The following NOL6 variants were observed in gnomAD, a reference collection of about 807,000 sequenced individuals.
NOL6 encodes the protein nucleolar protein 6, also known as nucleolar RNA-associated protein.
Under a neutral mutation model 131.7 loss-of-function variants are expected in NOL6, and 33 were observed. The ratio of observed to expected loss-of-function variants is 0.25; its 90% CI spans 0.19 to 0.33. NOL6 has a LOEUF of 0.33. NOL6 is among the 10% of genes least tolerant of loss of function. The pLI is 1.00. For synonymous variants in NOL6, 580 were observed against 605.7 expected, an observed-to-expected ratio of 0.96 and a Z score of 0.62; for missense variants, 1,297 against 1,494.5, an observed-to-expected ratio of 0.87 and a Z score of 2.18.
chr9:33,471,867 C>G (rs1827418969), intron 3 of NOL6, 137 bp downstream of exon 3: 1 of 711,876 alleles, frequency 1.4e-6, no homozygotes, highest in Admixed American at 2.0e-5. Flanking sequence ...GACCACGCTC[C>G]CAGCTAAGCT....
intron 21 of NOL6, among the ~76,000 whole-genome samples, chr9:33,464,607 C>T (rs1253339215): frequency 5.9e-5 from 9 of 152,066 alleles, no homozygotes; most frequent in Non-Finnish European, 1.2e-4. Context: ...ATACTTCTTA[C>T]GTGGTATTCA....
chr9:33,470,768 G>A (rs1827389566), intron 3 of NOL6: 1 of 129,720 alleles, frequency 7.7e-6, no homozygotes, highest in Admixed American at 8.9e-5. Flanking sequence ...TTTTAAAACA[G>A]AGAGAGGAAA....
rs574080451 is a variant in NOL6, at chr9:33,464,790, G to A, written c.2779+89C>T. The A allele has an allele frequency of 1.9e-5, 18 of 924,726 alleles. No homozygotes were observed. In the South Asian group the frequency reaches 2.6e-4, roughly 13 times the overall value. The allele number at this position is 924,726 out of a possible 1,614,324, so 57.3% of individuals were successfully genotyped here. ...AGACATCTGGGGCTGGGGAGGCACA[G>A]AGAAAACCTAACACTGCCAGGGAAA... On this transcript the variant is annotated intron_variant, in intron 21 of 25. Transcript: ENST00000297990.
In NOL6 at chr9:33,467,350, C is replaced by G; in HGVS notation, c.1725+44G>C. On this transcript the variant is annotated intron_variant, in intron 13 of 25. Coordinates refer to ENST00000297990, the MANE Select transcript of NOL6 (RefSeq NM_022917.5). This position sits in a 1 kb window ranked among gnomAD's most constrained non-coding sequence, Gnocchi z 4.4. Reference sequence around the variant, plus strand: ...AGCTTCAGTCCAGGTGCCATGAGGACGAGCCACCCCATTCCTTCCAGTGTA... The same window carrying G: ...AGCTTCAGTCCAGGTGCCATGAGGAGGAGCCACCCCATTCCTTCCAGTGTA... The G allele has an allele frequency of 6.2e-7, 1 of 1,610,270 alleles. No homozygotes were observed. Among genetic ancestry groups the G allele is most frequent in the Non-Finnish European group, 8.5e-7 (1 of 1,176,984 alleles).
intron 1 of NOL6, among the ~76,000 whole-genome samples, chr9:33,472,922 G>A (rs1231852524): frequency 1.4e-4 from 20 of 148,110 alleles, no homozygotes; most frequent in Admixed American, 1.3e-3. Context: ...GAAGTGAGCC[G>A]AGATCGTGCC....
rs747158956 is a variant in NOL6 at position 33,466,955 on chromosome 9, T to A, written c.1907A>T (p.Tyr636Phe). The A allele has an allele frequency of 6.2e-7, 1 of 1,614,106 alleles. No homozygotes were observed. Among genetic ancestry groups the A allele is most frequent in the Non-Finnish European group, 8.5e-7 (1 of 1,180,004 alleles). ...AAGTGCATCCAGGGGGCCCCCCACA[T>A]AGTGGACACAGGTTTCTGGGATGTC... The part of the protein sequence containing the change: ...HADIPETCVH[Y>F]VGGPLDALIQ... Residue 636 changes from tyrosine (Y) to phenylalanine (F), a missense_variant, in exon 15 of 26, where the codon TAT (tyrosine) becomes TTT (phenylalanine). Transcript: ENST00000297990.
Position 33,470,105 on chromosome 9 carries a change from C to T in NOL6, c.465G>A (p.Leu155=). The T allele has an allele frequency of 6.2e-7, 1 of 1,612,798 alleles. No individual in the cohort carries two copies. Among genetic ancestry groups the T allele is most frequent in the South Asian group, 1.1e-5 (1 of 90,880 alleles). The part of the protein sequence containing the change: ...PYAVKGCFRF[L]PPAQVTVVGS... ...CCACAACAGTAACCTGGGCTGGGGG[C>T]AGGAAGCGGAAACAGCCCTTCACGG... The change falls in exon 4 of 26, where the codon CTG becomes CTA. Residue 155 remains leucine (L), a synonymous_variant. Transcript: ENST00000297990.
intron 25 of NOL6, 35 bp from the exon 26 acceptor site, chr9:33,462,848 T>A: frequency 1.2e-6 from 2 of 1,611,698 alleles, no homozygotes; most frequent in Non-Finnish European, 8.5e-7. Context: ...GGGTTGAGTG[T>A]CACAGCGGCA....
chr9:33,466,960 G>A lies in NOL6; in HGVS notation c.1902C>T (p.Val634=). 1.2e-6 allele frequency: 2 copies of A among 1,614,062 alleles called. No homozygotes were observed. Among genetic ancestry groups the A allele is most frequent in the East Asian group, 4.5e-5 (2 of 44,896 alleles). Reference sequence around the variant, plus strand: ...CATCCAGGGGGCCCCCCACATAGTGGACACAGGTTTCTGGGATGTCAGCAT... The same window carrying A: ...CATCCAGGGGGCCCCCCACATAGTGAACACAGGTTTCTGGGATGTCAGCAT... ...ALHADIPETC[V]HYVGGPLDAL... The change falls in exon 15 of 26, where the codon GTC becomes GTT. Residue 634 remains valine, a synonymous_variant. Coordinates refer to ENST00000297990, the MANE Select transcript of NOL6 (RefSeq NM_022917.5).
intron 3 of NOL6, 146 bp downstream of exon 3, chr9:33,471,858 A>G (rs1827418724): frequency 5.7e-6 from 4 of 698,784 alleles, no homozygotes; most frequent in Non-Finnish European, 1.0e-5. Flanking sequence ...TACACAAATG[A>G]CCACGCTCCC....
chr9:33,467,437 A>G lies in NOL6; in HGVS notation c.1682T>C (p.Leu561Pro). ...TLGLLLRPEG[L>P]TSVLELGPEA... ...TGGACCCAGCTCAAGGACGCTGGTC[A>G]GTCCCTCAGGCCGGAGAAGGAGTCC... Residue 561 changes from leucine to proline, a missense_variant, in exon 13 of 26, where the codon CTG becomes CCG. Physicochemically the swap from Leu to Pro is moderately conservative, Grantham distance 98. Coordinates refer to ENST00000297990, the MANE Select transcript of NOL6 (RefSeq NM_022917.5). This position sits in a 1 kb window ranked among gnomAD's most constrained non-coding sequence, Gnocchi z 4.4. 1 of 1,614,204 alleles carries G rather than the reference A, an allele frequency of 6.2e-7. No homozygotes were observed. Among genetic ancestry groups the G allele is most frequent in the Non-Finnish European group, 8.5e-7 (1 of 1,180,034 alleles).
Position 33,469,674 on chromosome 9 carries a change from G to A in NOL6, c.559-7C>T. On this transcript the variant is annotated splice_polypyrimidine_tract_variant and splice_region_variant and intron_variant, in intron 4 of 25. Coordinates refer to ENST00000297990, the MANE Select transcript of NOL6 (RefSeq NM_022917.5). ...CCTTGTCCTGTAGGATTTCCTGGAG[G>A]GGCCAGGGGAGAAGAGAAGGCCAGG... is the stretch of plus-strand genomic sequence containing the variant. 4 of 1,604,930 alleles carry A rather than the reference G, an allele frequency of 2.5e-6. No individual in the cohort carries two copies. Among genetic ancestry groups the A allele is most frequent in the Admixed American group, 1.8e-5 (1 of 56,394 alleles).
At position 33,467,481 on chromosome 9, in the gene NOL6, G is replaced by T. The variant is rs1265224311; in HGVS notation, c.1638C>A (p.Asp546Glu). The T allele has an allele frequency of 6.2e-7, 1 of 1,614,234 alleles. No individual in the cohort carries two copies. Among genetic ancestry groups the T allele is most frequent in the Non-Finnish European group, 8.5e-7 (1 of 1,180,044 alleles). Residue 546 changes from aspartate to glutamate, a missense_variant, in exon 13 of 26, where the codon GAC (aspartate) becomes GAA (glutamate). Physicochemically the swap from Asp to Glu is conservative, Grantham distance 45. Transcript: ENST00000297990. This position sits in a 1 kb window ranked among gnomAD's most constrained non-coding sequence, Gnocchi z 4.4. ...DISQDPPKHKDSGTLTLGLLL... is the reference protein window; with the variant it reads ...DISQDPPKHKESGTLTLGLLL... ...GGAGTCCCAGGGTCAGGGTCCCAGA[G>T]TCTTTGTGCTTTGGTGGATCTTGGC... is the stretch of plus-strand genomic sequence containing the variant.
At chr9:33,464,536 C>T (rs1827188553) in intron 21 of NOL6, among the ~76,000 whole-genome samples, 1 of 151,980 alleles carries the variant, frequency 6.6e-6, no homozygotes, top group African/African-American at 2.4e-5. Flanking sequence ...CAGAAATCAC[C>T]ACTCCCACCC....
chr9:33,470,246 C>G, intron 3 of NOL6, 55 bp from the exon 4 acceptor site: 1 of 1,390,322 alleles, frequency 7.2e-7, no homozygotes, highest in Non-Finnish European at 9.6e-7. Context: ...CTCACATGTA[C>G]CCTTTATGTC....
In NOL6 at chr9:33,466,597, C is replaced by G; in HGVS notation, c.2063G>C (p.Gly688Ala). 6.2e-7 allele frequency: 1 copy of G among 1,614,138 alleles called. No homozygotes were observed. Among genetic ancestry groups the G allele is most frequent in the Non-Finnish European group, 8.5e-7 (1 of 1,180,034 alleles). ...GLPLTVSAVQ[G>A]AHPVLRYTEV... ...TGTGTAGCGCAGCACTGGGTGAGCT[C>G]CCTGAACAGCAGACACGGTCAGTGG... The change falls in exon 16 of 26, where the codon GGA (glycine) becomes GCA (alanine). Residue 688 changes from glycine (G) to alanine (A), a missense_variant. Coordinates refer to ENST00000297990, the MANE Select transcript of NOL6 (RefSeq NM_022917.5).
In NOL6 at chr9:33,467,644, G is replaced by A. The variant is rs1002994661; in HGVS notation, c.1602+47C>T. The A allele has an allele frequency of 6.5e-7, 1 of 1,546,606 alleles. No individual in the cohort carries two copies. Among genetic ancestry groups the A allele is most frequent in the African/African-American group, 1.4e-5 (1 of 73,020 alleles). On this transcript the variant is annotated intron_variant, in intron 12 of 25. Coordinates refer to ENST00000297990, the MANE Select transcript of NOL6 (RefSeq NM_022917.5). This position sits in a 1 kb window ranked among gnomAD's most constrained non-coding sequence, Gnocchi z 4.4. ...GTCCTTTGTGTCTCTTGGGACCCTG[G>A]ATCCAGCCCAACTCAGACCCAAACT...
chr9:33,465,685 G>A, intron 19 of NOL6, 49 bp downstream of exon 19: 1 of 1,577,426 alleles, frequency 6.3e-7, no homozygotes, highest in Non-Finnish European at 8.6e-7. Context: ...AGGAGAATGG[G>A]GGCAGGAGGG....
intron 4 of NOL6, 110 bp from the exon 5 acceptor site, chr9:33,469,777 C>T: frequency 7.3e-7 from 1 of 1,368,622 alleles, no homozygotes; most frequent in Non-Finnish European, 1.0e-6. Flanking sequence ...GACAGAAGTG[C>T]CTGAGCCACG....
Sources: gnomAD v4.1 joint callset for allele counts (sites outside exome capture counted in the v4.1 genomes callset) on GRCh38, gnomAD v4.1.1 for gene constraint, Gnocchi (gnomAD v3.1) non-coding constraint, MANE v1.5 for transcripts, NCBI Gene and HGNC (gene_info 2026-07-23, HGNC 2026-07-21) for gene names.